Variants in ELP4 observed in about 807,000 individuals in gnomAD.
ELP4 encodes the protein elongator complex protein 4.
A neutral mutation model predicts 48.9 loss-of-function variants in ELP4; 51 were observed. That is an observed-to-expected ratio of 1.04 (90% CI 0.83 to 1.32). The LOEUF (loss-of-function observed/expected upper bound fraction) is 1.32, where lower values mean the gene tolerates loss of function less well. ELP4 is among the 40% of genes most tolerant of loss of function. ELP4 has a pLI of 0.00. For synonymous variants in ELP4, 210 were observed against 189.2 expected (o/e 1.11, Z -0.90); for missense variants, 519 against 514.6 (o/e 1.01, Z -0.08).
intron 3 of ELP4, among the ~76,000 whole-genome samples, chr11:31,548,993 G>C (rs1592106233): frequency 6.6e-6 from 1 of 152,076 alleles, no homozygotes; most frequent in South Asian, 2.1e-4. Context: ...ATTCAAGATG[G>C]ATTAAAGACT....
chr11:31,566,364 A>AG lies in ELP4; in HGVS notation c.381+26581_381+26582insG, dbSNP rs1957111710. Among the ~76,000 whole-genome samples, 5 of 152,308 alleles carry AG rather than the reference A, an allele frequency of 3.3e-5. No homozygotes were observed. In the Middle Eastern group the frequency reaches 0.017, roughly 518 times the overall value. On this transcript the variant is annotated intron_variant, in intron 3 of 9. Transcript: ENST00000640961. ...CAGAGCGAGACTGCATCTCCAAAAA[A>AG]AAAAAAGATTCATTCTCTAGCATAG...
intron 9 of ELP4, among the ~76,000 whole-genome samples, chr11:31,750,398 C>G (rs896917957): frequency 3.3e-5 from 5 of 151,894 alleles, no homozygotes; most frequent in Non-Finnish European, 2.9e-5. Flanking sequence ...GGAAAAGTAA[C>G]TACTTTCTTT....
At chr11:31,577,323 C>T (rs994425494) in intron 3 of ELP4, among the ~76,000 whole-genome samples, 7 of 152,244 alleles carry the variant, frequency 4.6e-5, no homozygotes, top group Non-Finnish European at 7.4e-5. Context: ...AGTCCAGGAC[C>T]CGATGGATTA....
intron 5 of ELP4, 128 bp downstream of exon 5, chr11:31,604,035 T>C: frequency 1.5e-6 from 1 of 671,670 alleles, no homozygotes; most frequent in Non-Finnish European, 2.2e-6. Context: ...GTTTTCTATA[T>C]AATTTGTAAC....
intron 5 of ELP4, among the ~76,000 whole-genome samples, chr11:31,606,717 T>C (rs1957882550): frequency 6.6e-6 from 1 of 152,228 alleles, no homozygotes; most frequent in Non-Finnish European, 1.5e-5. Context: ...AGAATAATTC[T>C]GGAGTCTAAG....
intron 3 of ELP4, among the ~76,000 whole-genome samples, chr11:31,567,080 G>A (rs927559967): frequency 9.3e-5 from 14 of 151,272 alleles, no homozygotes; most frequent in Middle Eastern, 3.2e-3. Context: ...ACAGGCATGC[G>A]CCACCACCGC....
At chr11:31,690,049 C>T (rs1011772962) in intron 9 of ELP4, among the ~76,000 whole-genome samples, 1 of 152,082 alleles carries the variant, frequency 6.6e-6, no homozygotes, top group African/African-American at 2.4e-5. Context: ...ACATGTGTTT[C>T]GTATGCATTA....
At chr11:31,630,461 T>C (rs1944839335) in intron 6 of ELP4, among the ~76,000 whole-genome samples, 1 of 151,888 alleles carries the variant, frequency 6.6e-6, no homozygotes, top group Non-Finnish European at 1.5e-5. Flanking sequence ...CCCAAATTGC[T>C]GGGACTACAG....
chr11:31,614,523 T>G (rs903018562), intron 5 of ELP4, among the ~76,000 whole-genome samples: 3 of 152,210 alleles, frequency 2.0e-5, no homozygotes, highest in African/African-American at 7.2e-5. Flanking sequence ...ATTGAAAGTT[T>G]TTTGAGGTAT....
At chr11:31,759,929 C>T (rs2134252132) in intron 9 of ELP4, among the ~76,000 whole-genome samples, 1 of 152,186 alleles carries the variant, frequency 6.6e-6, no homozygotes, top group Non-Finnish European at 1.5e-5. Flanking sequence ...TCTTGAACTC[C>T]TGACCTCAAG....
intron 1 of ELP4, among the ~76,000 whole-genome samples, chr11:31,515,837 G>A (rs372708228): frequency 4.6e-5 from 7 of 152,204 alleles, no homozygotes; most frequent in East Asian, 1.9e-4. Context: ...CTGGCTGGGC[G>A]CAGTGGCTCA....
At chr11:31,539,805 T>C (rs1312639664) in intron 3 of ELP4, 22 bp downstream of exon 3, 3 of 1,557,206 alleles carry the variant, frequency 1.9e-6, no homozygotes, top group Non-Finnish European at 2.6e-6. Flanking sequence ...ATGAACTTAA[T>C]ATTGCATTTT....
At chr11:31,600,957 G>A (rs1226655829) in intron 4 of ELP4, among the ~76,000 whole-genome samples, 1 of 151,906 alleles carries the variant, frequency 6.6e-6, no homozygotes, top group Non-Finnish European at 1.5e-5. Flanking sequence ...AATTTTTACT[G>A]AACCATTTCA....
intron 9 of ELP4, among the ~76,000 whole-genome samples, chr11:31,676,494 C>A (rs1415209361): frequency 6.6e-6 from 1 of 152,126 alleles, no homozygotes; most frequent in Non-Finnish European, 1.5e-5. Flanking sequence ...ACATTCCATT[C>A]TGTTTAGAAC....
intron 3 of ELP4, among the ~76,000 whole-genome samples, chr11:31,579,476 A>C (rs1957347523): frequency 6.6e-6 from 1 of 152,194 alleles, no homozygotes; most frequent in South Asian, 2.1e-4. Context: ...CTATAAAGAC[A>C]CATGCACACA....
At chr11:31,691,543 C>G (rs1185068221) in intron 9 of ELP4, among the ~76,000 whole-genome samples, 1 of 151,938 alleles carries the variant, frequency 6.6e-6, no homozygotes, top group African/African-American at 2.4e-5. Flanking sequence ...GCTTTTAGTA[C>G]ATCATTTTCT....
intron 9 of ELP4, among the ~76,000 whole-genome samples, chr11:31,782,595 T>C (rs1948402605): frequency 6.6e-6 from 1 of 152,206 alleles, no homozygotes; most frequent in Non-Finnish European, 1.5e-5. Flanking sequence ...TATGGATGTT[T>C]CTCCCTAATT....
intron 1 of ELP4, among the ~76,000 whole-genome samples, chr11:31,513,602 T>C (rs1956050647): frequency 1.3e-5 from 2 of 152,206 alleles, no homozygotes; most frequent in Admixed American, 1.3e-4. Flanking sequence ...TTTTACTTTC[T>C]CTAACATTGA....
chr11:31,676,800 G>A (rs1271074022), intron 9 of ELP4, among the ~76,000 whole-genome samples: 2 of 152,172 alleles, frequency 1.3e-5, no homozygotes, highest in East Asian at 3.8e-4. Flanking sequence ...GAATGGCTAA[G>A]TTCCAATTCA....
Sources: allele counts gnomAD v4.1 joint callset (sites outside exome capture counted in the v4.1 genomes callset), GRCh38; gene constraint gnomAD v4.1.1; transcripts MANE v1.5; gene names NCBI Gene and HGNC (gene_info 2026-07-23, HGNC 2026-07-21).